Variants in SLC3A2 observed in about 807,000 individuals in gnomAD.
SLC3A2 encodes solute carrier family 3 member 2.
SLC3A2 carries 32 observed loss-of-function variants against 48.5 expected under a neutral mutation model. The observed-to-expected ratio is 0.66, with a 90% CI of 0.50 to 0.89. The LOEUF (loss-of-function observed/expected upper bound fraction) is 0.89, where lower values mean the gene tolerates loss of function less well. Ranked by LOEUF, SLC3A2 falls within the 40% of genes least tolerant of loss-of-function variation. The probability of loss-of-function intolerance (pLI) is 0.00; values close to 1 mark genes in which losing one functional copy is unlikely to be tolerated. For missense variants in SLC3A2, 587 were observed against 680.7 expected, an observed-to-expected ratio of 0.86 and a Z score of 1.53; for synonymous variants, 277 against 288.8, an observed-to-expected ratio of 0.96 and a Z score of 0.41.
At chr11:62,859,245 A>G (rs973508689) in intron 1 of SLC3A2, among the ~76,000 whole-genome samples, 29 of 152,266 alleles carry the variant, frequency 1.9e-4, no homozygotes, top group Non-Finnish European at 3.2e-4. Flanking sequence ...ACTCTTAAGG[A>G]GCATGCTGCC....
At chr11:62,863,923 C>T (rs959519374) in intron 1 of SLC3A2, among the ~76,000 whole-genome samples, 11 of 152,126 alleles carry the variant, frequency 7.2e-5, no homozygotes, top group Non-Finnish European at 1.5e-4. Context: ...ATCTTTTTTT[C>T]GCTACTGATA....
At chr11:62,875,218 G>A (rs556717256) in intron 1 of SLC3A2, among the ~76,000 whole-genome samples, 2 of 152,278 alleles carry the variant, frequency 1.3e-5, no homozygotes, top group South Asian at 4.1e-4. Context: ...AGAGTTTCTA[G>A]CTGTCCTCCC....
upstream of SLC3A2, among the ~76,000 whole-genome samples, chr11:62,879,915 C>T (rs1476799371): frequency 1.3e-5 from 2 of 152,238 alleles, no homozygotes; most frequent in African/African-American, 2.4e-5. Flanking sequence ...GCAGTACCAG[C>T]TGCCTCCAAG....
At chr11:62,875,122 T>A (rs1490617904) in intron 1 of SLC3A2, among the ~76,000 whole-genome samples, 1 of 152,176 alleles carries the variant, frequency 6.6e-6, no homozygotes, top group Non-Finnish European at 1.5e-5. Context: ...TAGAGGCAGC[T>A]TTGATGTTTT....
intron 7 of SLC3A2, 118 bp downstream of exon 7, chr11:62,885,726 C>T (rs2085705149): frequency 3.6e-6 from 4 of 1,111,670 alleles, no homozygotes; most frequent in Admixed American, 2.2e-5. Flanking sequence ...GATTCTTAGT[C>T]AGTAGCTGAG....
upstream of SLC3A2, among the ~76,000 whole-genome samples, chr11:62,878,643 T>C (rs2085594840): frequency 6.6e-6 from 1 of 150,852 alleles, no homozygotes. Context: ...TTTTTTTTTT[T>C]TTTTTTTGCA....
intron 1 of SLC3A2, among the ~76,000 whole-genome samples, chr11:62,868,854 T>C (rs1187945319): frequency 6.6e-6 from 1 of 152,146 alleles, no homozygotes; most frequent in East Asian, 1.9e-4. Context: ...AGATTACTAA[T>C]GAGGTTTTGT....
chr11:62,864,302 A>G (rs569533839), intron 1 of SLC3A2, among the ~76,000 whole-genome samples: 2 of 133,682 alleles, frequency 1.5e-5, no homozygotes, highest in East Asian at 4.4e-4. Context: ...CCTGTTAAAT[A>G]CTTGGTTTTT....
Position 62,888,642 on chromosome 11 carries a change from G to C in SLC3A2, c.1539G>C (p.Leu513=). 1 of 1,606,356 alleles carries C rather than the reference G, an allele frequency of 6.2e-7. No individual in the cohort carries two copies. Among genetic ancestry groups the C allele is most frequent in the Non-Finnish European group, 8.5e-7 (1 of 1,179,766 alleles). Residue 513 remains leucine (L), a synonymous_variant, in exon 9 of 9, where the codon CTG becomes CTC. Coordinates refer to ENST00000338663, the MANE Select transcript of SLC3A2 (RefSeq NM_001013251.3). ...GCTCCCCTCTTGAGCTGGAACGCCT[G>C]AAACTGGAGCCTCACGAAGGGCTGC... The part of the protein sequence containing the change: ...EEGSPLELER[L]KLEPHEGLLL...
chr11:62,876,150 C>G (rs1205588521), upstream of SLC3A2, among the ~76,000 whole-genome samples: 1 of 152,238 alleles, frequency 6.6e-6, no homozygotes, highest in East Asian at 1.9e-4. Context: ...AAGGCATGAG[C>G]TGCTGTGCCT....
In SLC3A2 at chr11:62,873,646, T is replaced by A. The variant is rs187273376; in HGVS notation, c.113-7373T>A. The stretch of plus-strand genomic sequence containing the variant: ...CCCGGCCAGCTAATTAAAATCAAAC[T>A]TTTTTTTATAGAGACACGGGGTCTT... On this transcript the variant is annotated intron_variant, in intron 1 of 9. Coordinates refer to the SLC3A2 transcript ENST00000377889. Among the ~76,000 whole-genome samples, 906 of 151,518 alleles carry A rather than the reference T, an allele frequency of 6.0e-3. 7 individuals carry two copies. Among genetic ancestry groups the A allele is most frequent in the Non-Finnish European group, 8.3e-3 (563 of 67,972 alleles).
rs146064231 is a variant in SLC3A2, at chr11:62,870,485, A to G, written c.113-10534A>G. On this transcript the variant is annotated intron_variant, in intron 1 of 9. Coordinates refer to the SLC3A2 transcript ENST00000377889. The stretch of plus-strand genomic sequence containing the variant: ...AGGTGTGAGCCACCGCGCCTGGCCT[A>G]TTTGATTACTTAGAATATAATTTTG... Among the ~76,000 whole-genome samples, 14 of 151,830 alleles carry G rather than the reference A, an allele frequency of 9.2e-5. No individual in the cohort carries two copies. The East Asian group carries it at 2.7e-3, about 29-fold the overall frequency.
At chr11:62,863,817 C>T (rs901937723) in intron 1 of SLC3A2, among the ~76,000 whole-genome samples, 3 of 152,226 alleles carry the variant, frequency 2.0e-5, no homozygotes, top group African/African-American at 7.2e-5. Context: ...CAAAAGGCAC[C>T]TACTTCCCTG....
At chr11:62,856,169 A>T in exon 1 of SLC3A2, 1 of 918,470 alleles carries the variant, frequency 1.1e-6, no homozygotes, top group Non-Finnish European at 1.6e-6. Flanking sequence ...TCACTGCCTC[A>T]CGGCGATCCT....
chr11:62,875,299 C>A (rs1261010673), intron 1 of SLC3A2, among the ~76,000 whole-genome samples: 2 of 152,150 alleles, frequency 1.3e-5, no homozygotes, highest in African/African-American at 2.4e-5. Context: ...GTAATCCCAG[C>A]ACTTTGGGAG....
chr11:62,887,683 G>A lies in SLC3A2; in HGVS notation c.1144-452G>A, dbSNP rs531859783. On this transcript the variant is annotated intron_variant, in intron 7 of 8. Transcript: ENST00000338663. The stretch of plus-strand genomic sequence containing the variant: ...GTGCCATTGCACTCCAGCCTGAACA[G>A]AGCGAGACTCCGTCTCAAAAAAAAA... Among the ~76,000 whole-genome samples the A allele has an allele frequency of 9.2e-5, 13 of 141,824 alleles. No individual in the cohort carries two copies. The South Asian group carries it at 1.4e-3, about 15-fold the overall frequency. The allele number at this position is 141,824 out of a possible 152,430, so 93.0% of individuals were successfully genotyped here. A position where few individuals can be genotyped will look rare whatever the true frequency, so the allele number is the denominator to read the frequency against.
intron 1 of SLC3A2, among the ~76,000 whole-genome samples, chr11:62,859,815 G>C (rs1447125102): frequency 6.6e-6 from 1 of 152,220 alleles, no homozygotes; most frequent in Non-Finnish European, 1.5e-5. Context: ...TAGGCTGGGT[G>C]GAGCGGCTCA....
Position 62,883,971 on chromosome 11 carries a change from T to C in SLC3A2, c.691-486T>C, listed in dbSNP as rs182617055. The C allele has an allele frequency of 3.5e-5, 16 of 456,552 alleles. No individual in the cohort carries two copies. The East Asian group carries it at 1.1e-3, about 32-fold the overall frequency. 28.3% of individuals were successfully genotyped at this position (456,552 alleles called of 1,614,324 possible). A position where few individuals can be genotyped will look rare whatever the true frequency, so the allele number is the denominator to read the frequency against. Reference sequence around the variant, plus strand: ...TTGGCCTTGCTCTGAGCAGTTATTGTACTCACACCTTCCCCAGGCCTCAGG... The same window carrying C: ...TTGGCCTTGCTCTGAGCAGTTATTGCACTCACACCTTCCCCAGGCCTCAGG... On this transcript the variant is annotated intron_variant, in intron 3 of 8. Coordinates refer to ENST00000338663, the MANE Select transcript of SLC3A2 (RefSeq NM_001013251.3).
intron 2 of SLC3A2, chr11:62,882,680 C>T: frequency 2.0e-6 from 1 of 488,512 alleles, no homozygotes; most frequent in Non-Finnish European, 3.8e-6. Context: ...AGACAATTTT[C>T]AACATGTTGA....
Sources: gnomAD v4.1 joint callset for allele counts (sites outside exome capture counted in the v4.1 genomes callset) on GRCh38, gnomAD v4.1.1 for gene constraint, MANE v1.5 for transcripts, NCBI Gene and HGNC (gene_info 2026-07-23, HGNC 2026-07-21) for gene names.